KSR2: variants seen among roughly 807,000 people sequenced by gnomAD.
KSR2 encodes kinase suppressor of ras 2.
In KSR2, 25 loss-of-function variants were observed where a neutral mutation model predicts 107.8. The observed-to-expected ratio is 0.23, with a 90% CI of 0.17 to 0.32. The LOEUF is 0.32. KSR2 is among the 10% of genes least tolerant of loss of function. The probability of loss-of-function intolerance (pLI) is 1.00; values close to 1 mark genes in which losing one functional copy is unlikely to be tolerated. For synonymous variants in KSR2, 480 were observed against 507.0 expected, an observed-to-expected ratio of 0.95 and a Z score of 0.71; for missense variants, 887 against 1,268.9, an observed-to-expected ratio of 0.70 and a Z score of 4.57.
chr12:117,934,390 G>A (rs935726386), intron 1 of KSR2, among the ~76,000 whole-genome samples: 19 of 152,120 alleles, frequency 1.2e-4, no homozygotes, highest in Non-Finnish European at 2.2e-4. Context: ...AAATAATCAC[G>A]CTCTTCCTAC....
At chr12:117,911,683 C>G (rs1029056178) in intron 1 of KSR2, among the ~76,000 whole-genome samples, 15 of 152,084 alleles carry the variant, frequency 9.9e-5, no homozygotes, top group African/African-American at 3.6e-4. Flanking sequence ...AACTTAACTC[C>G]TTGAGGGCAA....
At position 117,455,030 on chromosome 12, in the gene KSR2, CAGACAGAGAGAG is replaced by C. The variant is rs1372792427; in HGVS notation, c.*12157_*12168del. On this transcript the variant is annotated 3_prime_UTR_variant, in exon 20 of 20. Coordinates refer to ENST00000339824, the MANE Select transcript of KSR2 (RefSeq NM_173598.6). The stretch of plus-strand genomic sequence containing the variant: ...AGACAGAGACAGACACAGAGACAGA[CAGACAGAGAGAG>C]AGAGAGAGAGAGAGAGAGAGAGAGA... 2.0e-3 allele frequency: 236 copies of C among 120,178 alleles called. 2 individuals carry two copies. Among genetic ancestry groups the C allele is most frequent in the African/African-American group, 8.2e-3 (204 of 25,024 alleles). The allele number at this position is 120,178 out of a possible 1,614,324, so 7.4% of individuals were successfully genotyped here.
intron 4 of KSR2, among the ~76,000 whole-genome samples, chr12:117,687,095 G>A (rs1028711737): frequency 9.9e-5 from 15 of 152,182 alleles, no homozygotes; most frequent in African/African-American, 1.7e-4. Flanking sequence ...TCAAAGCGGC[G>A]ATTCTGTGAT....
At chr12:117,794,222 CACACCAACATGCACACTCACACCA>C (rs1566018813) in intron 3 of KSR2, among the ~76,000 whole-genome samples, 4 of 105,190 alleles carry the variant, frequency 3.8e-5, no homozygotes, top group South Asian at 3.8e-4. Context: ...AACATGCACA[CACACCAACATGCACACTCACACCA>C]ACATGCACAC....
intron 5 of KSR2, among the ~76,000 whole-genome samples, chr12:117,612,747 CA>C (rs1470182801): frequency 6.6e-6 from 1 of 152,196 alleles, no homozygotes; most frequent in African/African-American, 2.4e-5. Flanking sequence ...TGTCCCCACC[CA>C]AATCTCACCT....
intron 3 of KSR2, among the ~76,000 whole-genome samples, chr12:117,815,448 AT>A (rs1271989984): frequency 3.3e-5 from 5 of 152,234 alleles, no homozygotes; most frequent in African/African-American, 1.2e-4. Context: ...TACCGTGTAC[AT>A]AATAAAACAT....
chr12:117,781,573 G>A (rs549892824), intron 3 of KSR2, among the ~76,000 whole-genome samples: 48 of 152,280 alleles, frequency 3.2e-4, no homozygotes, highest in Non-Finnish European at 2.2e-4. Flanking sequence ...CACCCCTCAC[G>A]AACCAAACCC....
At chr12:117,794,163 C>T in intron 3 of KSR2, among the ~76,000 whole-genome samples, 1 of 121,156 alleles carries the variant, frequency 8.3e-6, no homozygotes, top group Admixed American at 8.8e-5. Flanking sequence ...CACACATACA[C>T]CAACATGCGC....
intron 12 of KSR2, among the ~76,000 whole-genome samples, chr12:117,527,365 A>C (rs1875268738): frequency 6.7e-6 from 1 of 149,612 alleles, no homozygotes; most frequent in Admixed American, 6.6e-5. Context: ...ACACACACAC[A>C]CAACACAGTG....
At chr12:117,541,250 G>C (rs34083235) in intron 9 of KSR2, among the ~76,000 whole-genome samples, 3 of 147,538 alleles carry the variant, frequency 2.0e-5, no homozygotes, top group Non-Finnish European at 4.5e-5. Flanking sequence ...AGGCAGGCAG[G>C]GGGGAACAGT....
intron 4 of KSR2, among the ~76,000 whole-genome samples, chr12:117,756,335 G>T (rs924492307): frequency 3.9e-5 from 6 of 152,238 alleles, no homozygotes; most frequent in Non-Finnish European, 7.3e-5. Flanking sequence ...CGCAGCTGGT[G>T]ACTTTTAAGC....
rs1483030182 is a variant in KSR2, at chr12:117,453,257, C to T, written c.*13942G>A. On this transcript the variant is annotated 3_prime_UTR_variant, in exon 20 of 20. Coordinates refer to ENST00000339824, the MANE Select transcript of KSR2 (RefSeq NM_173598.6). ...TATACACAGTGGACCCTCCATCCAT[C>T]TGGCCTTTCTTTCCTGGATGGCATC... 1.3e-5 allele frequency: 2 copies of T among 152,482 alleles called. No individual in the cohort carries two copies. The highest frequency in any genetic ancestry group is 4.8e-5 in the African/African-American group (2 of 41,458). 9.4% of individuals were successfully genotyped at this position (152,482 alleles called of 1,614,324 possible).
intron 4 of KSR2, among the ~76,000 whole-genome samples, chr12:117,716,933 C>T (rs532047246): frequency 6.6e-5 from 10 of 152,356 alleles, no homozygotes; most frequent in South Asian, 4.1e-4. Flanking sequence ...TCCTCCCACG[C>T]TGGCTCCTGG....
chr12:117,926,141 G>A (rs551456448), intron 1 of KSR2, among the ~76,000 whole-genome samples: 23 of 152,306 alleles, frequency 1.5e-4, no homozygotes, highest in Non-Finnish European at 1.8e-4. Flanking sequence ...AGGTTGCACT[G>A]AGCCGAGTTC....
intron 14 of KSR2, among the ~76,000 whole-genome samples, chr12:117,514,414 C>A (rs890751230): frequency 6.6e-6 from 1 of 152,158 alleles, no homozygotes; most frequent in South Asian, 2.1e-4. Flanking sequence ...AAATGCAAAC[C>A]AGACTGTGTC....
chr12:117,650,084 G>A (rs979325184), intron 5 of KSR2, among the ~76,000 whole-genome samples: 1 of 152,188 alleles, frequency 6.6e-6, no homozygotes, highest in Non-Finnish European at 1.5e-5. Flanking sequence ...ATTAATCCTG[G>A]ATGTGTCTGT....
At chr12:117,546,606 C>T (rs1018497438) in intron 9 of KSR2, among the ~76,000 whole-genome samples, 2 of 152,130 alleles carry the variant, frequency 1.3e-5, no homozygotes, top group African/African-American at 4.8e-5. Flanking sequence ...CCGATGACAC[C>T]AATGTTAGAT....
chr12:117,686,905 C>G (rs1885595311), intron 4 of KSR2, among the ~76,000 whole-genome samples: 1 of 152,168 alleles, frequency 6.6e-6, no homozygotes, highest in East Asian at 1.9e-4. Flanking sequence ...GCCCGAGAGA[C>G]AGACAACGAA....
At chr12:117,905,259 T>A (rs887946813) in intron 1 of KSR2, among the ~76,000 whole-genome samples, 2 of 152,104 alleles carry the variant, frequency 1.3e-5, no homozygotes, top group African/African-American at 4.8e-5. Context: ...TGATAAAAAA[T>A]TTTAAAAAAA....
Sources: gnomAD v4.1 joint callset for allele counts (sites outside exome capture counted in the v4.1 genomes callset) on GRCh38, gnomAD v4.1.1 for gene constraint, MANE v1.5 for transcripts, NCBI Gene and HGNC (gene_info 2026-07-23, HGNC 2026-07-21) for gene names.